Variants in TPO observed in about 807,000 individuals in gnomAD.
TPO encodes thyroid peroxidase, also known as thyroid microsomal antigen.
In TPO, 78 loss-of-function variants were observed where a neutral mutation model predicts 96.9. The observed-to-expected ratio is 0.81, with a 90% CI of 0.67 to 0.97. The LOEUF (loss-of-function observed/expected upper bound fraction) is 0.97. Ranked by LOEUF, TPO falls within the 50% of genes least tolerant of loss-of-function variation. The pLI, the probability that TPO is intolerant of heterozygous loss-of-function variation, is 0.00. For missense variants in TPO, 1,252 were observed against 1,274.8 expected (o/e 0.98, Z 0.27); for synonymous variants, 547 against 538.0 (o/e 1.02, Z -0.23).
chr2:1,512,156 C>G (rs1674210573), intron 14 of TPO, among the ~76,000 whole-genome samples: 1 of 152,148 alleles, frequency 6.6e-6, no homozygotes, highest in Non-Finnish European at 1.5e-5. Flanking sequence ...GCCTCAGCCT[C>G]CCGAGTAGCT....
rs1347757434 is a variant in TPO, at chr2:1,542,439, G to A, written c.2767G>A (p.Gly923Ser). Reference protein sequence around the residue: ...DSEQESAGMEGRDTHRLPRAL With the variant: ...DSEQESAGMESRDTHRLPRAL ...TTTGCAGGAGAGTGCTGGGATGGAA[G>A]GCCGGGATACTCACAGGCTGCCGAG... is the stretch of plus-strand genomic sequence containing the variant. Residue 923 changes from glycine to serine, a missense_variant, in exon 17 of 17, where the codon GGC becomes AGC. Transcript: ENST00000329066. 1 of 1,614,084 alleles carries A rather than the reference G, an allele frequency of 6.2e-7. No individual in the cohort carries two copies. Among genetic ancestry groups the A allele is most frequent in the East Asian group, 2.2e-5 (1 of 44,882 alleles).
chr2:1,458,941 A>G (rs558250765), intron 7 of TPO, among the ~76,000 whole-genome samples: 2 of 152,208 alleles, frequency 1.3e-5, no homozygotes, highest in South Asian at 4.2e-4. Context: ...TTGGCCCTCA[A>G]TCTTTGTGCC....
intron 1 of TPO, among the ~76,000 whole-genome samples, chr2:1,400,147 A>G (rs1468530873): frequency 6.6e-6 from 1 of 152,110 alleles, no homozygotes; most frequent in Non-Finnish European, 1.5e-5. Context: ...GATAGGGGAG[A>G]GGCTCCTAGG....
intron 12 of TPO, 86 bp from the exon 13 acceptor site, chr2:1,496,509 C>T: frequency 6.3e-7 from 1 of 1,585,510 alleles, no homozygotes; most frequent in Non-Finnish European, 8.6e-7. Context: ...CCCTCCAGGG[C>T]ACAAGCGCAC....
chr2:1,490,954 G>A (rs763408894), intron 10 of TPO, among the ~76,000 whole-genome samples: 29 of 152,240 alleles, frequency 1.9e-4, no homozygotes, highest in Non-Finnish European at 1.5e-4. Context: ...GGCAGATCAC[G>A]AGTTCAGGAG....
rs570485250 is a variant in TPO at position 1,495,740 on chromosome 2, G to A, written c.2007-249G>A. Among the ~76,000 whole-genome samples the A allele has an allele frequency of 9.9e-5, 15 of 151,844 alleles. No homozygotes were observed. In the East Asian group the frequency reaches 1.4e-3, roughly 14 times the overall value. The stretch of plus-strand genomic sequence containing the variant: ...CGGGTGCTCAGGGGTCTGGGCAGAC[G>A]CCACAGGGTCTCCTTCAGGTCCTCA... On this transcript the variant is annotated intron_variant, in intron 11 of 16. Coordinates refer to ENST00000329066, the MANE Select transcript of TPO (RefSeq NM_001206744.2).
At chr2:1,535,254 G>C (rs1252258128) in intron 15 of TPO, among the ~76,000 whole-genome samples, 1 of 133,614 alleles carries the variant, frequency 7.5e-6, no homozygotes. Context: ...CCCACTCTGT[G>C]CAACCTCCCA....
intron 5 of TPO, among the ~76,000 whole-genome samples, 168 bp from the exon 6 acceptor site, chr2:1,453,526 T>A (rs1667503919): frequency 6.6e-6 from 1 of 152,180 alleles, no homozygotes; most frequent in Non-Finnish European, 1.5e-5. Context: ...AAGCCAGTCA[T>A]GACCTGGGCC....
At position 1,378,348 on chromosome 2, in the gene TPO, G is replaced by A. The variant is rs575292211; in HGVS notation, n.180+3946G>A. ...CCAGTTTCTGCAAGCCCAGCCTCACGGGAGTGCAGGGCCTTCTCTGGCCAC... is the reference window on the plus strand; with the variant it reads ...CCAGTTTCTGCAAGCCCAGCCTCACAGGAGTGCAGGGCCTTCTCTGGCCAC... On this transcript the variant is annotated intron_variant and non_coding_transcript_variant, in intron 1 of 5. Coordinates refer to the TPO transcript ENST00000497517. Among the ~76,000 whole-genome samples the A allele has an allele frequency of 5.3e-5, 8 of 152,338 alleles. No individual in the cohort carries two copies. In the South Asian group the frequency reaches 1.0e-3, roughly 20 times the overall value.
chr2:1,412,371 C>A (rs1303802716), upstream of TPO, among the ~76,000 whole-genome samples: 1 of 152,180 alleles, frequency 6.6e-6, no homozygotes, highest in African/African-American at 2.4e-5. Flanking sequence ...TCTGGTCCTT[C>A]CTCTCTATCC....
intron 14 of TPO, among the ~76,000 whole-genome samples, chr2:1,507,591 G>T (rs1673610008): frequency 1.3e-5 from 2 of 152,012 alleles, no homozygotes; most frequent in African/African-American, 4.8e-5. Flanking sequence ...CCTTCAAGAG[G>T]TCCTTCACAT....
At chr2:1,486,861 A>G (rs996914517) in intron 9 of TPO, among the ~76,000 whole-genome samples, 3 of 152,168 alleles carry the variant, frequency 2.0e-5, no homozygotes, top group African/African-American at 7.2e-5. Flanking sequence ...ATGAGAGCTG[A>G]GTCATGCACA....
intron 15 of TPO, among the ~76,000 whole-genome samples, chr2:1,526,471 ACT>A (rs1303718003): frequency 8.8e-6 from 1 of 113,746 alleles, no homozygotes; most frequent in Non-Finnish European, 1.8e-5. Flanking sequence ...AATCCCCTCC[ACT>A]GTGTGCAACC....
rs1245304845 is a variant in TPO at position 1,535,355 on chromosome 2, C to T, written c.2619-5239C>T. ...CCCACTGTATGCAACCTACTCAAAT[C>T]CCCCCACTGTGTGCAACCTCCTCAA... On this transcript the variant is annotated intron_variant, in intron 15 of 16. Transcript: ENST00000329066. Among the ~76,000 whole-genome samples the T allele has an allele frequency of 1.6e-4, 13 of 82,710 alleles. 1 individual carries two copies. The highest frequency in any genetic ancestry group is 1.7e-4 in the Non-Finnish European group (7 of 40,528). The allele number at this position is 82,710 out of a possible 152,430, so 54.3% of individuals were successfully genotyped here.
In TPO at chr2:1,446,931, T is replaced by C. The variant is rs145199996; in HGVS notation, c.483-6763T>C. On this transcript the variant is annotated intron_variant, in intron 5 of 16. Coordinates refer to ENST00000329066, the MANE Select transcript of TPO (RefSeq NM_001206744.2). ...TTGTTTTACATGTCACATTTAGATCTGTGACCCATCTCATTTTATGTTTTC... is the reference window on the plus strand; with the variant it reads ...TTGTTTTACATGTCACATTTAGATCCGTGACCCATCTCATTTTATGTTTTC... 7.3e-3 allele frequency among the ~76,000 whole-genome samples: 1,113 copies of C among 152,362 alleles called. 10 individuals are homozygous for C. Among genetic ancestry groups the C allele is most frequent in the African/African-American group, 0.025 (1,060 of 41,580 alleles).
intron 14 of TPO, among the ~76,000 whole-genome samples, chr2:1,513,861 A>C (rs745615009): frequency 6.6e-6 from 1 of 152,216 alleles, no homozygotes; most frequent in Non-Finnish European, 1.5e-5. Context: ...ATATAGATAT[A>C]AATTTACACA....
intron 11 of TPO, 55 bp from the exon 12 acceptor site, chr2:1,495,934 T>A: frequency 6.3e-7 from 1 of 1,576,320 alleles, no homozygotes; most frequent in Non-Finnish European, 8.6e-7. Context: ...CTTGAGTGCC[T>A]GCCCTGGGGG....
In TPO at chr2:1,449,659, C is replaced by T. The variant is rs1056468841; in HGVS notation, c.483-4035C>T. On this transcript the variant is annotated intron_variant, in intron 5 of 16. Transcript: ENST00000329066. Reference sequence around the variant, plus strand: ...GAAGTGATAAAAAAACAGAAAATACCTTTGACGTCAAATAAATGTATTAGT... The same window carrying T: ...GAAGTGATAAAAAAACAGAAAATACTTTTGACGTCAAATAAATGTATTAGT... Among the ~76,000 whole-genome samples the T allele has an allele frequency of 2.6e-5, 4 of 151,960 alleles. No individual in the cohort carries two copies. The East Asian group carries it at 5.8e-4, about 22-fold the overall frequency.
Position 1,542,459 on chromosome 2 carries a change from G to A in TPO, c.2787G>A (p.Leu929=). The change falls in exon 17 of 17, where the codon CTG becomes CTA. Residue 929 remains leucine (L), a synonymous_variant. Transcript: ENST00000329066. ...AGMEGRDTHR[L]PRAL ...TGGAAGGCCGGGATACTCACAGGCTGCCGAGAGCCCTCTGAGGGCAAAGTG... is the reference window on the plus strand; with the variant it reads ...TGGAAGGCCGGGATACTCACAGGCTACCGAGAGCCCTCTGAGGGCAAAGTG... The A allele has an allele frequency of 1.2e-6, 2 of 1,614,194 alleles. No homozygotes were observed. Among genetic ancestry groups the A allele is most frequent in the Non-Finnish European group, 1.7e-6 (2 of 1,180,028 alleles).
Sources: allele counts gnomAD v4.1 joint callset (sites outside exome capture counted in the v4.1 genomes callset), GRCh38; gene constraint gnomAD v4.1.1; transcripts MANE v1.5; gene names NCBI Gene and HGNC (gene_info 2026-07-23, HGNC 2026-07-21).